The following BDNF variants were observed in gnomAD, a reference collection of about 807,000 sequenced individuals.
BDNF encodes neurotrophic factor BDNF precursor form.
A neutral mutation model predicts 19.5 loss-of-function variants in BDNF; 1 was observed. That is an observed-to-expected ratio of 0.05 (90% CI 0.02 to 0.24). The LOEUF is 0.24. BDNF is among the 10% of genes least tolerant of loss of function. BDNF has a pLI of 1.00. For missense variants in BDNF, 195 were observed against 317.6 expected (o/e 0.61, Z 2.93); for synonymous variants, 100 against 121.6 (o/e 0.82, Z 1.17).
Position 27,658,811 on chromosome 11 carries a change from C to CA in BDNF, c.-21-227dup, listed in dbSNP as rs1218861036. The CA allele has an allele frequency of 4.9e-6, 7 of 1,418,038 alleles. No homozygotes were observed. The highest frequency in any genetic ancestry group is 6.5e-6 in the Non-Finnish European group (7 of 1,082,508). The allele number at this position is 1,418,038 out of a possible 1,614,324, so 87.8% of individuals were successfully genotyped here. A position where few individuals can be genotyped will look rare whatever the true frequency, so the allele number is the denominator to read the frequency against. On this transcript the variant is annotated intron_variant, in intron 1 of 1. Transcript: ENST00000356660. This position sits in a 1 kb window ranked among gnomAD's most constrained non-coding sequence, Gnocchi z 5.7. ...ATGCAGTGTTTCCCCCAAGATCTAG[C>CA]ATATAAACCTGAGATTAGATGGCTT...
intron 1 of BDNF, among the ~76,000 whole-genome samples, chr11:27,684,242 A>G (rs1857197337): frequency 1.3e-5 from 2 of 152,196 alleles, no homozygotes; most frequent in Admixed American, 1.3e-4. Context: ...ATTTTTGCAC[A>G]TTGATTTTGT....
chr11:27,695,724 G>A lies in BDNF; in HGVS notation c.-22+4440C>T, dbSNP rs374709860. 2.6e-5 allele frequency among the ~76,000 whole-genome samples: 4 copies of A among 151,392 alleles called. No homozygotes were observed. The East Asian group carries it at 7.7e-4, about 29-fold the overall frequency. The stretch of plus-strand genomic sequence containing the variant: ...AAATTTACTTTGCTTCCTTCCAATC[G>A]TTCTCCTGTCCCACACTCAGCCCCC... On this transcript the variant is annotated intron_variant, in intron 1 of 1. Coordinates refer to ENST00000356660, the MANE Select transcript of BDNF (RefSeq NM_001709.5).
chr11:27,660,289 A>T, intron 1 of BDNF: 1 of 1,205,600 alleles, frequency 8.3e-7, no homozygotes, highest in East Asian at 6.3e-5. Flanking sequence ...ACACAAAAAA[A>T]TTTCTTTTAG....
At chr11:27,663,780 G>T (rs1853856547) in intron 1 of BDNF, among the ~76,000 whole-genome samples, 1 of 152,096 alleles carries the variant, frequency 6.6e-6, no homozygotes, top group Non-Finnish European at 1.5e-5. Context: ...TACAAAATGT[G>T]GACACTGCAG....
At chr11:27,667,837 G>A (rs548984550) in intron 1 of BDNF, among the ~76,000 whole-genome samples, 19 of 151,678 alleles carry the variant, frequency 1.3e-4, no homozygotes, top group Admixed American at 1.3e-4. Context: ...ATCACCCCAC[G>A]GTCAATATTA....
At chr11:27,659,184 T>C (rs1452823909) in intron 1 of BDNF, 4 of 1,000,094 alleles carry the variant, frequency 4.0e-6, no homozygotes, top group Non-Finnish European at 4.8e-6. Flanking sequence ...TACTCTATTA[T>C]AGCAAAGAAG....
In BDNF at chr11:27,656,731, T is replaced by C. The variant is rs1220349083; in HGVS notation, c.*1090A>G. 1 of 985,226 alleles carries C rather than the reference T, an allele frequency of 1.0e-6. No homozygotes were observed. Among genetic ancestry groups the C allele is most frequent in the Admixed American group, 6.2e-5 (1 of 16,250 alleles). 61.0% of individuals were successfully genotyped at this position (985,226 alleles called of 1,614,324 possible). A position where few individuals can be genotyped will look rare whatever the true frequency, so the allele number is the denominator to read the frequency against. On this transcript the variant is annotated 3_prime_UTR_variant, in exon 2 of 2. Transcript: ENST00000356660. ...GCCTCACCATGAGTTTTTTTTAAGC[T>C]TAGCCATGATTTACCCAAATGTTCA...
intron 1 of BDNF, among the ~76,000 whole-genome samples, chr11:27,661,913 C>G (rs1245412435): frequency 6.6e-6 from 1 of 152,170 alleles, no homozygotes; most frequent in African/African-American, 2.4e-5. Flanking sequence ...ATGCATGCCC[C>G]TTTCTCTAAT....
At position 27,660,292 on chromosome 11, in the gene BDNF, T is replaced by C. The variant is rs535486417; in HGVS notation, c.-21-1707A>G. 42 of 1,176,060 alleles carry C rather than the reference T, an allele frequency of 3.6e-5. 2 individuals are homozygous for C. In the African/African-American group the frequency reaches 5.9e-4, roughly 16 times the overall value. 72.9% of individuals were successfully genotyped at this position (1,176,060 alleles called of 1,614,324 possible). On this transcript the variant is annotated intron_variant, in intron 1 of 1. Coordinates refer to ENST00000356660, the MANE Select transcript of BDNF (RefSeq NM_001709.5). Reference sequence around the variant, plus strand: ...CCATCCCTAAACACACAAAAAAATTTCTTTTAGATTTACTCTCACTTTGCA... The same window carrying C: ...CCATCCCTAAACACACAAAAAAATTCCTTTTAGATTTACTCTCACTTTGCA...
intron 1 of BDNF, among the ~76,000 whole-genome samples, chr11:27,718,952 A>G (rs964444767): frequency 3.3e-5 from 5 of 152,046 alleles, no homozygotes; most frequent in Non-Finnish European, 7.4e-5. Context: ...CTGGGGCGAA[A>G]ACTGCCACCG....
At chr11:27,674,260 G>T in intron 1 of BDNF, 1 of 1,573,238 alleles carries the variant, frequency 6.4e-7, no homozygotes, top group African/African-American at 1.3e-5. Flanking sequence ...GTGCACTCAT[G>T]GAGAAAACTG....
intron 1 of BDNF, chr11:27,677,521 G>C (rs1160039205): frequency 6.9e-6 from 1 of 145,154 alleles, no homozygotes; most frequent in Non-Finnish European, 1.5e-5. Context: ...GGGCGACAGA[G>C]CGAGACTCCG....
At chr11:27,708,977 C>T (rs768381710) in intron 1 of BDNF, among the ~76,000 whole-genome samples, 15 of 151,506 alleles carry the variant, frequency 9.9e-5, no homozygotes, top group East Asian at 7.8e-4. Context: ...TACAGGCATG[C>T]GCCACCACAC....
At position 27,658,082 on chromosome 11, in the gene BDNF, G is replaced by T. The variant is rs376008850; in HGVS notation, c.483C>A (p.Gly161=). 3 of 1,613,888 alleles carry T rather than the reference G, an allele frequency of 1.9e-6. No individual in the cohort carries two copies. Among genetic ancestry groups the T allele is most frequent in the African/African-American group, 1.3e-5 (1 of 74,848 alleles). The part of the protein sequence containing the change: ...ADKKTAVDMS[G]GTVTVLEKVP... ...CCTTTTCAAGGACTGTGACCGTCCC[G>T]CCCGACATGTCCACTGCAGTCTTTT... The change falls in exon 2 of 2, where the codon GGC becomes GGA. Residue 161 remains glycine (G), a synonymous_variant. Transcript: ENST00000356660. The surrounding 1 kb of genome is among the most constrained non-coding windows in gnomAD (Gnocchi z 5.7).
intron 1 of BDNF, among the ~76,000 whole-genome samples, chr11:27,661,685 A>T (rs1853465497): frequency 6.6e-6 from 1 of 152,104 alleles, no homozygotes; most frequent in Non-Finnish European, 1.5e-5. Context: ...TCTCTCTGAT[A>T]CTCAACTCTC....
chr11:27,680,291 G>A (rs1856675340), intron 1 of BDNF, among the ~76,000 whole-genome samples: 1 of 152,186 alleles, frequency 6.6e-6, no homozygotes, highest in South Asian at 2.1e-4. Context: ...ATGAAAAGAG[G>A]GAGGAAGGTG....
intron 1 of BDNF, among the ~76,000 whole-genome samples, chr11:27,685,277 T>C (rs1172245498): frequency 6.6e-6 from 1 of 152,194 alleles, no homozygotes; most frequent in Non-Finnish European, 1.5e-5. Flanking sequence ...TCTATTTGAT[T>C]CTTCTCTCTT....
intron 1 of BDNF, among the ~76,000 whole-genome samples, chr11:27,667,859 A>G (rs764751900): frequency 9.2e-5 from 14 of 152,100 alleles, no homozygotes; most frequent in Non-Finnish European, 1.9e-4. Context: ...ACAGATCAAC[A>G]AGACAGAAAA....
chr11:27,696,283 A>G (rs2134051773), intron 1 of BDNF: 1 of 152,362 alleles, frequency 6.6e-6, no homozygotes, highest in Admixed American at 6.5e-5. Flanking sequence ...CCTAGGTTTA[A>G]ATACCACATG....
Sources: allele counts gnomAD v4.1 joint callset (sites outside exome capture counted in the v4.1 genomes callset), GRCh38; gene constraint gnomAD v4.1.1; non-coding constraint Gnocchi (gnomAD v3.1); transcripts MANE v1.5; gene names NCBI Gene and HGNC (gene_info 2026-07-23, HGNC 2026-07-21).